Variants in SLC6A9 observed in about 807,000 individuals in gnomAD.
SLC6A9 encodes sodium- and chloride-dependent glycine transporter 1.
Under a neutral mutation model 70.9 loss-of-function variants are expected in SLC6A9, and 31 were observed. That is an observed-to-expected ratio of 0.44 (90% CI 0.33 to 0.59). The LOEUF (loss-of-function observed/expected upper bound fraction) is 0.59, where lower values mean the gene tolerates loss of function less well. Ranked by LOEUF, SLC6A9 falls within the 20% of genes least tolerant of loss-of-function variation. SLC6A9 has a pLI of 0.04. For synonymous variants in SLC6A9, 310 were observed against 341.3 expected, an observed-to-expected ratio of 0.91 and a Z score of 1.01; for missense variants, 631 against 845.2, an observed-to-expected ratio of 0.75 and a Z score of 3.14.
chr1:44,029,181 C>A (rs1054867648), intron 1 of SLC6A9, among the ~76,000 whole-genome samples: 2 of 152,232 alleles, frequency 1.3e-5, no homozygotes, highest in African/African-American at 2.4e-5. Flanking sequence ...TCAGACAGGA[C>A]TGTCAGGTCA....
intron 2 of SLC6A9, among the ~76,000 whole-genome samples, chr1:44,014,428 G>A (rs528003537): frequency 1.2e-4 from 18 of 151,866 alleles, no homozygotes; most frequent in Admixed American, 6.6e-4. Flanking sequence ...GGCGGGGTGG[G>A]GTGAGCTGGC....
In SLC6A9 at chr1:44,008,451, G is replaced by T. The variant is rs201151302; in HGVS notation, c.492C>A (p.Asn164Lys). Residue 164 changes from asparagine (N) to lysine (K), a missense_variant, in exon 5 of 14, where the codon AAC (asparagine) becomes AAA (lysine). Coordinates refer to ENST00000372310, the MANE Select transcript of SLC6A9 (RefSeq NM_001024845.3). ...HDCAGVLDAS[N>K]LTNGSRPAAL... ...CGGCTGGCCGAGAGCCATTGGTGAG[G>T]TTGGAGGCGTCCAGTACACCGGCGC... The T allele has an allele frequency of 3.7e-6, 6 of 1,614,070 alleles. No individual in the cohort carries two copies. Among genetic ancestry groups the T allele is most frequent in the Non-Finnish European group, 5.1e-6 (6 of 1,180,004 alleles).
chr1:44,011,752 A>T (rs772490758), intron 2 of SLC6A9: 1 of 1,610,882 alleles, frequency 6.2e-7, no homozygotes, highest in Admixed American at 1.7e-5. Context: ...AGGTCAGGAG[A>T]GGCAGATGCG....
chr1:44,021,581 C>T (rs1459367529), intron 2 of SLC6A9, among the ~76,000 whole-genome samples: 1 of 152,216 alleles, frequency 6.6e-6, no homozygotes, highest in Non-Finnish European at 1.5e-5. Flanking sequence ...GGGGCCAGTG[C>T]CTGCTCCATG....
intron 2 of SLC6A9, chr1:44,017,283 C>T: frequency 6.8e-7 from 1 of 1,469,328 alleles, no homozygotes; most frequent in Non-Finnish European, 8.9e-7. Context: ...AGTCCCCATG[C>T]AGCCCAGCAC....
At chr1:44,017,456 C>T in intron 2 of SLC6A9, 1 of 870,476 alleles carries the variant, frequency 1.1e-6, no homozygotes, top group Non-Finnish European at 1.5e-6. Flanking sequence ...CCCCACGGAG[C>T]TGACCAGACG....
chr1:44,028,611 T>C (rs1369029829), intron 1 of SLC6A9, among the ~76,000 whole-genome samples: 1 of 152,104 alleles, frequency 6.6e-6, no homozygotes, highest in African/African-American at 2.4e-5. Flanking sequence ...CGAAATTAGC[T>C]GGGCGTGGTG....
chr1:44,005,527 A>T (rs1430474606), intron 5 of SLC6A9, among the ~76,000 whole-genome samples: 1 of 152,146 alleles, frequency 6.6e-6, no homozygotes, highest in Non-Finnish European at 1.5e-5. Flanking sequence ...CAGCTGTCCA[A>T]AGGGTCATTG....
chr1:44,019,233 C>T (rs377473540), intron 2 of SLC6A9, among the ~76,000 whole-genome samples: 32 of 152,344 alleles, frequency 2.1e-4, no homozygotes, highest in East Asian at 1.2e-3. Flanking sequence ...AGCCCATCAC[C>T]CTGTGGGCAC....
intron 5 of SLC6A9, among the ~76,000 whole-genome samples, chr1:44,007,232 T>C (rs1431988254): frequency 6.6e-6 from 1 of 152,196 alleles, no homozygotes; most frequent in Non-Finnish European, 1.5e-5. Flanking sequence ...CCCCTGCACA[T>C]ACCTGGACCG....
chr1:43,997,971 G>C lies in SLC6A9; in HGVS notation c.1591C>G (p.Gln531Glu), dbSNP rs745763747. The C allele has an allele frequency of 1.1e-5, 18 of 1,613,998 alleles. No homozygotes were observed. The highest frequency in any genetic ancestry group is 1.3e-5 in the African/African-American group (1 of 74,926). The change falls in exon 13 of 14, where the codon CAG becomes GAG. Residue 531 changes from glutamine (Q) to glutamate (E), a missense_variant. Physicochemically the swap from Gln to Glu is conservative, Grantham distance 29. Transcript: ENST00000372310. This position sits in a 1 kb window ranked among gnomAD's most constrained non-coding sequence, Gnocchi z 4.4. ...ATGGCCACGGCCCAGCCTGGGTACT[G>C]GTAGTGGTTGTAGGTGATCGGCTGG... ...QYQPITYNHY[Q>E]YPGWAVAIGF...
chr1:44,010,830 C>T lies in SLC6A9; in HGVS notation c.83G>A (p.Gly28Asp). ...AAACTCGATCTGGTTGCCCCAGTTG[C>T]CCCGTTTGAGGTTCTGGTCCCTCTT... is the stretch of plus-strand genomic sequence containing the variant. Reference protein sequence around the residue: ...ATKRDQNLKRGNWGNQIEFVL... With the variant: ...ATKRDQNLKRDNWGNQIEFVL... Residue 28 changes from glycine to aspartate, a missense_variant, in exon 3 of 14, where the codon GGC (glycine) becomes GAC (aspartate). Gly to Asp is a moderately conservative substitution (Grantham distance 94, BLOSUM62 -1). Coordinates refer to ENST00000372310, the MANE Select transcript of SLC6A9 (RefSeq NM_001024845.3). 2 of 1,614,226 alleles carry T rather than the reference C, an allele frequency of 1.2e-6. No homozygotes were observed. Among genetic ancestry groups the T allele is most frequent in the Non-Finnish European group, 1.7e-6 (2 of 1,180,024 alleles).
At chr1:44,026,085 C>T (rs138230650) in intron 1 of SLC6A9, among the ~76,000 whole-genome samples, 1 of 152,372 alleles carries the variant, frequency 6.6e-6, no homozygotes, top group African/African-American at 2.4e-5. Flanking sequence ...TCCTGCAGAG[C>T]TTCTCTTCAG....
intron 2 of SLC6A9, among the ~76,000 whole-genome samples, chr1:44,022,629 G>A (rs768882718): frequency 6.6e-6 from 1 of 151,918 alleles, no homozygotes; most frequent in Non-Finnish European, 1.5e-5. Flanking sequence ...TTCAGAACAG[G>A]GCCAGATAGA....
At chr1:44,004,331 G>A (rs1215889622) in intron 5 of SLC6A9, among the ~76,000 whole-genome samples, 1 of 151,128 alleles carries the variant, frequency 6.6e-6, no homozygotes, top group South Asian at 2.1e-4. Flanking sequence ...AACCATATAT[G>A]CTAAACAGGT....
Position 44,024,243 on chromosome 1 carries a change from C to G in SLC6A9, c.30+5G>C. ...TCCTTCCCGCAGTCTGGCCTCTGTA[C>G]TCACCAGCATCCCTTTGGCACCTTT... On this transcript the variant is annotated splice_donor_5th_base_variant and intron_variant, in intron 2 of 13. Transcript: ENST00000372310. 6.2e-7 allele frequency: 1 copy of G among 1,614,186 alleles called. No homozygotes were observed. Among genetic ancestry groups the G allele is most frequent in the Non-Finnish European group, 8.5e-7 (1 of 1,179,974 alleles).
At chr1:44,028,800 A>AAAGGAAGGAAGGAAAG (rs1313197992) in intron 1 of SLC6A9, among the ~76,000 whole-genome samples, 1 of 142,026 alleles carries the variant, frequency 7.0e-6, no homozygotes, top group Non-Finnish European at 1.5e-5. Flanking sequence ...AGAAAGAAAG[A>AAAGGAAGGAAGGAAAG]AAGGAAGGAA....
chr1:43,998,050 G>C, intron 12 of SLC6A9, 25 bp from the exon 13 acceptor site: 1 of 1,588,930 alleles, frequency 6.3e-7, no homozygotes, highest in Non-Finnish European at 8.6e-7. Context: ...TGTGGGAGTG[G>C]GCGTGAGGCC....
chr1:44,026,985 C>T (rs780521280), intron 1 of SLC6A9, among the ~76,000 whole-genome samples: 4 of 152,192 alleles, frequency 2.6e-5, no homozygotes, highest in African/African-American at 7.2e-5. Flanking sequence ...TGCTTCATGG[C>T]GGCTTCCAGG....
Sources: allele counts gnomAD v4.1 joint callset (sites outside exome capture counted in the v4.1 genomes callset), GRCh38; gene constraint gnomAD v4.1.1; non-coding constraint Gnocchi (gnomAD v3.1); transcripts MANE v1.5; gene names NCBI Gene and HGNC (gene_info 2026-07-23, HGNC 2026-07-21).